Variants in SUMO2 observed in about 807,000 individuals in gnomAD.
SUMO2 encodes the protein small ubiquitin-related modifier 2.
SUMO2 carries 1 observed loss-of-function variant against 16.0 expected under a neutral mutation model. That is an observed-to-expected ratio of 0.06 (90% CI 0.02 to 0.30). SUMO2 has a LOEUF of 0.30. Ranked by LOEUF, SUMO2 falls within the 10% of genes least tolerant of loss-of-function variation. The probability of loss-of-function intolerance (pLI) is 1.00; values close to 1 mark genes in which losing one functional copy is unlikely to be tolerated. For missense variants in SUMO2, 16 were observed against 117.5 expected (o/e 0.14, Z 3.99); for synonymous variants, 36 against 40.6 (o/e 0.89, Z 0.43).
intron 3 of SUMO2, among the ~76,000 whole-genome samples, chr17:75,172,279 G>T (rs1411734078): frequency 3.3e-5 from 5 of 149,708 alleles, no homozygotes; most frequent in Non-Finnish European, 7.4e-5. Flanking sequence ...ACTTGCCTTG[G>T]CCTCCCAAAG....
At chr17:75,172,601 C>A (rs2074750323) in intron 3 of SUMO2, among the ~76,000 whole-genome samples, 1 of 151,510 alleles carries the variant, frequency 6.6e-6, no homozygotes, top group Admixed American at 6.6e-5. Context: ...CCTGCCTCAG[C>A]CTCCCGAGCA....
chr17:75,168,806 T>C (rs1478942175), intron 3 of SUMO2, among the ~76,000 whole-genome samples: 1 of 152,124 alleles, frequency 6.6e-6, no homozygotes, highest in East Asian at 1.9e-4. Flanking sequence ...GGTTTCGTCA[T>C]GTTGGCCAGG....
intron 3 of SUMO2, among the ~76,000 whole-genome samples, chr17:75,173,477 AT>A (rs34245817): frequency 1.1e-4 from 16 of 148,640 alleles, no homozygotes; most frequent in African/African-American, 3.9e-4. Context: ...ACTGGAAGTC[AT>A]TTTTTTTTTT....
At chr17:75,179,586 T>A (rs1217001140) in intron 2 of SUMO2, among the ~76,000 whole-genome samples, 2 of 150,416 alleles carry the variant, frequency 1.3e-5, no homozygotes, top group African/African-American at 4.9e-5. Flanking sequence ...GGTTTACATA[T>A]CAATTATGAG....
At chr17:75,180,972 T>C (rs1236296069) in intron 2 of SUMO2, 85 bp downstream of exon 2, 3 of 1,518,400 alleles carry the variant, frequency 2.0e-6, no homozygotes, top group African/African-American at 2.8e-5. Flanking sequence ...GTCACTGTAA[T>C]GTGCTAGTCT....
At chr17:75,178,522 A>AAG (rs1225754163) in intron 2 of SUMO2, among the ~76,000 whole-genome samples, 5 of 151,602 alleles carry the variant, frequency 3.3e-5, no homozygotes, top group African/African-American at 1.2e-4. Context: ...AAAAAAAAAA[A>AAG]AAAAAGAAAA....
chr17:75,177,576 T>G (rs939464037), intron 2 of SUMO2, among the ~76,000 whole-genome samples: 11 of 148,896 alleles, frequency 7.4e-5, no homozygotes, highest in East Asian at 2.0e-4. Context: ...CAGCTACTTG[T>G]GAGGCTGAGG....
chr17:75,177,967 C>T (rs989493347), intron 2 of SUMO2, among the ~76,000 whole-genome samples: 2 of 118,354 alleles, frequency 1.7e-5, no homozygotes, highest in South Asian at 2.8e-4. Context: ...CCAGTCTGAC[C>T]GACAAAGCGA....
At chr17:75,180,956 CAA>C (rs1598229748) in intron 2 of SUMO2, 99 bp downstream of exon 2, 1 of 1,417,574 alleles carries the variant, frequency 7.1e-7, no homozygotes, top group East Asian at 2.3e-5. Context: ...TTCATCCCAT[CAA>C]AAAGTCACTG....
chr17:75,178,373 G>A (rs1349074769), intron 2 of SUMO2, among the ~76,000 whole-genome samples: 1 of 151,592 alleles, frequency 6.6e-6, no homozygotes, highest in Non-Finnish European at 1.5e-5. Context: ...AATTGGCTGG[G>A]CACGGTGGCA....
At chr17:75,168,464 G>C (rs1302858523) in intron 3 of SUMO2, 63 bp from the exon 4 acceptor site, 10 of 1,461,428 alleles carry the variant, frequency 6.8e-6, no homozygotes, top group Non-Finnish European at 9.3e-6. Context: ...AATGATTTTT[G>C]GGTTTAAGTA....
At chr17:75,169,385 A>ATTTT (rs746519441) in intron 3 of SUMO2, among the ~76,000 whole-genome samples, 2 of 141,852 alleles carry the variant, frequency 1.4e-5, no homozygotes, top group Non-Finnish European at 3.1e-5. Context: ...TTAAAAAAAA[A>ATTTT]TTTTTTTTTT....
Position 75,167,766 on chromosome 17 carries a change from G to C in SUMO2, c.*573C>G, listed in dbSNP as rs1308016832. On this transcript the variant is annotated 3_prime_UTR_variant, in exon 4 of 4. Transcript: ENST00000420826. Reference sequence around the variant, plus strand: ...AAGAAGTTTATTTAAACAACAAGACGCTTGACTTGAAGGGAAAACTATCTA... The same window carrying C: ...AAGAAGTTTATTTAAACAACAAGACCCTTGACTTGAAGGGAAAACTATCTA... The C allele has an allele frequency of 6.5e-6, 1 of 154,120 alleles. No individual in the cohort carries two copies. Among genetic ancestry groups the C allele is most frequent in the African/African-American group, 2.4e-5 (1 of 41,412 alleles). The allele number at this position is 154,120 out of a possible 1,614,324, so 9.5% of individuals were successfully genotyped here. A position where few individuals can be genotyped will look rare whatever the true frequency, so the allele number is the denominator to read the frequency against.
intron 2 of SUMO2, among the ~76,000 whole-genome samples, chr17:75,177,959 A>G (rs556745093): frequency 1.2e-3 from 151 of 130,264 alleles, no homozygotes; most frequent in African/African-American, 3.9e-3. Flanking sequence ...ACTACACTCC[A>G]GTCTGACCGA....
At chr17:75,178,613 C>T (rs769888540) in intron 2 of SUMO2, among the ~76,000 whole-genome samples, 3 of 152,084 alleles carry the variant, frequency 2.0e-5, no homozygotes, top group African/African-American at 4.8e-5. Flanking sequence ...CTGTCACCCA[C>T]ACTGGAGTGC....
At chr17:75,169,263 G>A (rs1024396837) in intron 3 of SUMO2, among the ~76,000 whole-genome samples, 1 of 151,972 alleles carries the variant, frequency 6.6e-6, no homozygotes, top group Non-Finnish European at 1.5e-5. Context: ...CTAGGGCCAC[G>A]CACAATGGCT....
chr17:75,170,676 C>T (rs2074730421), intron 3 of SUMO2, among the ~76,000 whole-genome samples: 1 of 151,718 alleles, frequency 6.6e-6, no homozygotes, highest in African/African-American at 2.4e-5. Context: ...TAGTGAAACC[C>T]CGTCTCTACT....
At chr17:75,171,689 G>C (rs1162082787) in intron 3 of SUMO2, among the ~76,000 whole-genome samples, 1 of 152,028 alleles carries the variant, frequency 6.6e-6, no homozygotes, top group African/African-American at 2.4e-5. Context: ...ATTTTAAAAT[G>C]CCTCAAGGTC....
chr17:75,168,045 G>A lies in SUMO2; in HGVS notation c.*294C>T, dbSNP rs1185065396. 1 of 256,718 alleles carries A rather than the reference G, an allele frequency of 3.9e-6. No individual in the cohort carries two copies. The highest frequency in any genetic ancestry group is 7.3e-6 in the Non-Finnish European group (1 of 137,312). The allele number at this position is 256,718 out of a possible 1,614,324, so 15.9% of individuals were successfully genotyped here. A position where few individuals can be genotyped will look rare whatever the true frequency, so the allele number is the denominator to read the frequency against. Reference sequence around the variant, plus strand: ...GCTGAATGAGCATGCCACTAATGGAGAAAGGGGGTATTTTCACAGAATCAG... The same window carrying A: ...GCTGAATGAGCATGCCACTAATGGAAAAAGGGGGTATTTTCACAGAATCAG... On this transcript the variant is annotated 3_prime_UTR_variant, in exon 4 of 4. Coordinates refer to ENST00000420826, the MANE Select transcript of SUMO2 (RefSeq NM_006937.4).
Sources: allele counts gnomAD v4.1 joint callset (sites outside exome capture counted in the v4.1 genomes callset), GRCh38; gene constraint gnomAD v4.1.1; transcripts MANE v1.5; gene names NCBI Gene and HGNC (gene_info 2026-07-23, HGNC 2026-07-21).